ZDHHC9: variants seen among roughly 807,000 people sequenced by gnomAD.
ZDHHC9 encodes palmitoyltransferase ZDHHC9.
Under a neutral mutation model 26.6 loss-of-function variants are expected in ZDHHC9, and 3 were observed. The observed-to-expected ratio is 0.11, with a 90% confidence interval of 0.05 to 0.29. The LOEUF (loss-of-function observed/expected upper bound fraction) is 0.29, where lower values mean the gene tolerates loss of function less well. Among genes scored for constraint, ZDHHC9 ranks in the 10% least tolerant of loss-of-function variants. ZDHHC9 has a pLI of 1.00. For synonymous variants in ZDHHC9, 111 were observed against 109.4 expected (o/e 1.01, Z -0.09); for missense variants, 146 against 296.4 (o/e 0.49, Z 3.73).
chrX:129,837,223 G>A (rs1928280847), intron 3 of ZDHHC9, among the ~76,000 whole-genome samples: 2 of 111,698 alleles, frequency 1.8e-5, no homozygotes, highest in South Asian at 3.8e-4. Context: ...AACACTTATT[G>A]GCCATCTACT....
rs1366633817 is a variant in ZDHHC9 at position 129,823,900 on chromosome X, C to G, written c.329-63G>C. 1.9e-5 allele frequency: 21 copies of G among 1,113,421 alleles called. No individual in the cohort carries two copies. The Admixed American group carries it at 4.6e-4, about 24-fold the overall frequency. The allele number at this position is 1,113,421 out of a possible 1,213,427, so 91.8% of individuals were successfully genotyped here. Reference sequence around the variant, plus strand: ...CATCACTTGAGCCCAAAAGTCTCACCACCTCTCCAAAACCAATGGGGGCAT... The same window carrying G: ...CATCACTTGAGCCCAAAAGTCTCACGACCTCTCCAAAACCAATGGGGGCAT... On this transcript the variant is annotated intron_variant, in intron 4 of 10. Coordinates refer to ENST00000357166, the MANE Select transcript of ZDHHC9 (RefSeq NM_016032.4).
Position 129,810,974 on chromosome X carries a change from T to A in ZDHHC9, c.909A>T (p.Pro303=). The A allele has an allele frequency of 8.3e-7, 1 of 1,211,148 alleles. No individual in the cohort carries two copies. The highest frequency in any genetic ancestry group is 1.1e-6 in the Non-Finnish European group (1 of 895,125). Residue 303 remains proline (P), a synonymous_variant, in exon 10 of 11, where the codon CCA becomes CCT. Transcript: ENST00000357166. ...PSVLDRRGIL[P]LEESGSRPPS... is the part of the protein sequence containing the mutation. ...GAGGTCGACTTCCACTTTCCTCCAG[T>A]GGCAAAATACCCCTTCGATCCAGCA...
intron 5 of ZDHHC9, among the ~76,000 whole-genome samples, chrX:129,819,313 A>C (rs1927831721): frequency 9.0e-6 from 1 of 111,421 alleles, no homozygotes; most frequent in Non-Finnish European, 1.9e-5. Context: ...AAGGGAAGAA[A>C]GGTATAGAGA....
At chrX:129,806,681 A>C (rs191407781) in intron 10 of ZDHHC9, among the ~76,000 whole-genome samples, 195 bp from the exon 11 acceptor site, 1 of 112,210 alleles carries the variant, frequency 8.9e-6, no homozygotes, top group Non-Finnish European at 1.9e-5. Flanking sequence ...AGTTTATTTG[A>C]GTTTGATCCT....
chrX:129,842,066 G>T lies in ZDHHC9; in HGVS notation c.-121C>A. On this transcript the variant is annotated 5_prime_UTR_variant, in exon 3 of 11. Transcript: ENST00000357166. ...GCCGCTGGGTCAAACATCATCAAAA[G>T]TCCAATTGCTAGCCCTAAGAAAAAG... is the stretch of plus-strand genomic sequence containing the variant. 4.5e-6 allele frequency: 4 copies of T among 896,469 alleles called. No homozygotes were observed. The highest frequency in any genetic ancestry group is 4.9e-6 in the Non-Finnish European group (3 of 615,901). The allele number at this position is 896,469 out of a possible 1,213,427, so 73.9% of individuals were successfully genotyped here.
rs769947389 is a variant in ZDHHC9, at chrX:129,811,386, C to T, written c.881+20G>A. 8.4e-7 allele frequency: 1 copy of T among 1,186,953 alleles called. No homozygotes were observed. The highest frequency in any genetic ancestry group is 1.1e-6 in the Non-Finnish European group (1 of 874,319). ...GCTGCTCATCCCAACAGTCCCAGGA[C>T]TTTTGAGTGCCCTGAGCACCTGGGG... On this transcript the variant is annotated intron_variant, in intron 9 of 10. Transcript: ENST00000357166.
At chrX:129,821,759 T>C (rs1927893135) in intron 5 of ZDHHC9, among the ~76,000 whole-genome samples, 1 of 107,920 alleles carries the variant, frequency 9.3e-6, no homozygotes, top group Admixed American at 9.9e-5. Context: ...CCATCTCTAC[T>C]AAAAATACAA....
At chrX:129,825,288 GA>G (rs1255622268) in intron 4 of ZDHHC9, among the ~76,000 whole-genome samples, 2 of 111,382 alleles carry the variant, frequency 1.8e-5, no homozygotes, top group Non-Finnish European at 3.8e-5. Context: ...ATTTTTTTTG[GA>G]AAAAAACAAA....
intron 4 of ZDHHC9, 112 bp from the exon 5 acceptor site, chrX:129,823,949 T>C (rs1169202524): frequency 2.9e-6 from 2 of 689,026 alleles, no homozygotes; most frequent in African/African-American, 4.2e-5. Context: ...AAGCCCCCTG[T>C]CTTTTATAGA....
At chrX:129,826,858 T>C (rs1928026979) in intron 4 of ZDHHC9, among the ~76,000 whole-genome samples, 1 of 111,081 alleles carries the variant, frequency 9.0e-6, no homozygotes, top group Non-Finnish European at 1.9e-5. Context: ...CAAAATGAAA[T>C]CCATTAAGAA....
chrX:129,843,287 G>A lies in ZDHHC9; in HGVS notation c.-164C>T, dbSNP rs1437478438. 1.8e-5 allele frequency: 2 copies of A among 112,725 alleles called. No individual in the cohort carries two copies. Among genetic ancestry groups the A allele is most frequent in the Non-Finnish European group, 3.8e-5 (2 of 53,154 alleles). 9.3% of individuals were successfully genotyped at this position (112,725 alleles called of 1,213,427 possible). The stretch of plus-strand genomic sequence containing the variant: ...GAAGACAATCTCCTCCCGATAAACC[G>A]GCCCAGCGGGAGAAGGGAGACCAGG... On this transcript the variant is annotated 5_prime_UTR_variant, in exon 2 of 11. Coordinates refer to ENST00000357166, the MANE Select transcript of ZDHHC9 (RefSeq NM_016032.4).
At position 129,832,521 on chromosome X, in the gene ZDHHC9, C is replaced by T. The variant is rs890010104; in HGVS notation, c.168-3380G>A. Among the ~76,000 whole-genome samples, 12 of 111,356 alleles carry T rather than the reference C, an allele frequency of 1.1e-4. No individual in the cohort carries two copies. In the East Asian group the frequency reaches 1.1e-3, roughly 10 times the overall value. On this transcript the variant is annotated intron_variant, in intron 3 of 10. Coordinates refer to ENST00000357166, the MANE Select transcript of ZDHHC9 (RefSeq NM_016032.4). ...AAATAAGGCCGGGTGCAGTGGCTCA[C>T]GCCTGTAATCCCAGCACTTTGGGAG...
At chrX:129,810,366 T>C (rs2124100543) in intron 10 of ZDHHC9, among the ~76,000 whole-genome samples, 1 of 110,345 alleles carries the variant, frequency 9.1e-6, no homozygotes, top group East Asian at 2.8e-4. Context: ...GCTCAAGTAA[T>C]ATTTTTTTTT....
In ZDHHC9 at chrX:129,840,783, CAGA is replaced by C. The variant is rs751041990; in HGVS notation, c.167+993_167+995del. Among the ~76,000 whole-genome samples the C allele has an allele frequency of 3.1e-4, 34 of 110,766 alleles. No individual in the cohort carries two copies. The East Asian group carries it at 9.1e-3, about 30-fold the overall frequency. On this transcript the variant is annotated intron_variant, in intron 3 of 10. Coordinates refer to ENST00000357166, the MANE Select transcript of ZDHHC9 (RefSeq NM_016032.4). The stretch of plus-strand genomic sequence containing the variant: ...GCACTGGGAAAGCCTGAAGCCCTCA[CAGA>C]AGGACAAAAATGAGCCCCAAGGGAC...
At chrX:129,833,131 G>A (rs1928185544) in intron 3 of ZDHHC9, among the ~76,000 whole-genome samples, 1 of 111,483 alleles carries the variant, frequency 9.0e-6, no homozygotes. Flanking sequence ...CCTTCCTGGG[G>A]ATTAGAGTTC....
At chrX:129,812,111 T>G (rs1202230025) in intron 8 of ZDHHC9, among the ~76,000 whole-genome samples, 1 of 107,481 alleles carries the variant, frequency 9.3e-6, no homozygotes, top group Admixed American at 1.0e-4. Context: ...CCAGACAGAG[T>G]CTCATTCTGT....
chrX:129,806,011 A>G lies in ZDHHC9; in HGVS notation c.*359T>C, dbSNP rs185014192. ...GCTTGGGAGGATTTGAGCCAGTCTC[A>G]AAAACTTTTAGCCCCAGAATGAGAC... is the stretch of plus-strand genomic sequence containing the variant. On this transcript the variant is annotated 3_prime_UTR_variant, in exon 11 of 11. Coordinates refer to ENST00000357166, the MANE Select transcript of ZDHHC9 (RefSeq NM_016032.4). 5.3e-4 allele frequency: 124 copies of G among 233,902 alleles called. 1 individual carries two copies. The highest frequency in any genetic ancestry group is 1.5e-3 in the Middle Eastern group (1 of 648). The allele number at this position is 233,902 out of a possible 1,213,427, so 19.3% of individuals were successfully genotyped here.
At chrX:129,816,139 A>G (rs1337973389) in intron 5 of ZDHHC9, among the ~76,000 whole-genome samples, 1 of 112,175 alleles carries the variant, frequency 8.9e-6, no homozygotes, top group Non-Finnish European at 1.9e-5. Context: ...CCACTTGTAC[A>G]TGGATTTGTT....
chrX:129,821,879 GC>G (rs1927895926), intron 5 of ZDHHC9, among the ~76,000 whole-genome samples: 1 of 110,529 alleles, frequency 9.0e-6, no homozygotes, highest in Non-Finnish European at 1.9e-5. Context: ...CCGAGATCAT[GC>G]CACTGCACTC....
Sources: gnomAD v4.1 joint callset for allele counts (sites outside exome capture counted in the v4.1 genomes callset) on GRCh38, gnomAD v4.1.1 for gene constraint, MANE v1.5 for transcripts, NCBI Gene and HGNC (gene_info 2026-07-23, HGNC 2026-07-21) for gene names.